CDH12: variants seen among roughly 807,000 people sequenced by gnomAD.
CDH12 encodes cadherin 12.
CDH12 carries 41 observed loss-of-function variants against 74.1 expected under a neutral mutation model. The ratio of observed to expected loss-of-function variants is 0.55; its 90% CI spans 0.43 to 0.72. CDH12 has a LOEUF of 0.72. CDH12 is among the 30% of genes least tolerant of loss of function. CDH12 has a pLI of 0.00. For missense variants in CDH12, 945 were observed against 977.2 expected (o/e 0.97, Z 0.44); for synonymous variants, 399 against 355.0 (o/e 1.12, Z -1.39).
intron 1 of CDH12, among the ~76,000 whole-genome samples, chr5:22,615,571 C>T (rs189326575): frequency 6.6e-6 from 1 of 152,036 alleles, no homozygotes; most frequent in African/African-American, 2.4e-5. Context: ...AAACTTGTAT[C>T]TTTGTAAGAT....
chr5:22,253,175 G>T (rs1482869235), intron 3 of CDH12, among the ~76,000 whole-genome samples: 1 of 151,600 alleles, frequency 6.6e-6, no homozygotes, highest in Non-Finnish European at 1.5e-5. Context: ...ACTAATGTGA[G>T]AATATTTCAT....
chr5:22,230,686 G>A (rs950392724), intron 3 of CDH12, among the ~76,000 whole-genome samples: 1 of 151,798 alleles, frequency 6.6e-6, no homozygotes, highest in African/African-American at 2.4e-5. Flanking sequence ...GGCCAGAATG[G>A]TGTCGACCTC....
At chr5:22,390,826 A>T (rs1429107098) in intron 3 of CDH12, among the ~76,000 whole-genome samples, 2 of 152,182 alleles carry the variant, frequency 1.3e-5, no homozygotes, top group Non-Finnish European at 2.9e-5. Flanking sequence ...TTTTTAATAC[A>T]TAATCTTAAA....
chr5:22,186,959 T>TA, intron 4 of CDH12, among the ~76,000 whole-genome samples: 1 of 152,276 alleles, frequency 6.6e-6, no homozygotes, highest in Admixed American at 6.5e-5. Flanking sequence ...AGAAAATACT[T>TA]AAAGTACAGT....
intron 3 of CDH12, among the ~76,000 whole-genome samples, chr5:22,249,913 G>C (rs1157602723): frequency 6.6e-6 from 1 of 151,994 alleles, no homozygotes; most frequent in East Asian, 1.9e-4. Context: ...TTGATGTAAA[G>C]GTACAAGAAA....
At chr5:21,833,204 A>C (rs1225616749) in intron 8 of CDH12, among the ~76,000 whole-genome samples, 1 of 19,458 alleles carries the variant, frequency 5.1e-5, no homozygotes, top group Non-Finnish European at 7.0e-5. Context: ...TAATATATAT[A>C]TTATAATATA....
chr5:22,358,135 G>A (rs1031010338), intron 3 of CDH12, among the ~76,000 whole-genome samples: 1 of 152,112 alleles, frequency 6.6e-6, no homozygotes, highest in Non-Finnish European at 1.5e-5. Context: ...CAGGTCGGCC[G>A]TGGTGGCTCA....
At chr5:21,801,773 G>T (rs1747124145) in intron 10 of CDH12, among the ~76,000 whole-genome samples, 1 of 152,120 alleles carries the variant, frequency 6.6e-6, no homozygotes, top group Admixed American at 6.5e-5. Context: ...AGAAATTTTA[G>T]AGTAATTATA....
chr5:22,846,991 G>A (rs1431704188), intron 1 of CDH12, among the ~76,000 whole-genome samples: 4 of 152,036 alleles, frequency 2.6e-5, no homozygotes, highest in African/African-American at 9.7e-5. Flanking sequence ...ATATAAATAG[G>A]AATTTGCCCT....
intron 2 of CDH12, among the ~76,000 whole-genome samples, chr5:22,481,706 T>C (rs952599746): frequency 5.9e-5 from 9 of 152,036 alleles, no homozygotes; most frequent in Non-Finnish European, 1.3e-4. Flanking sequence ...AAGGAAGACA[T>C]AAGGAGTCAC....
intron 2 of CDH12, among the ~76,000 whole-genome samples, chr5:22,415,919 A>T (rs1357425249): frequency 2.0e-5 from 3 of 151,992 alleles, no homozygotes; most frequent in South Asian, 4.1e-4. Flanking sequence ...AAAAAAAAAA[A>T]TTGAACTACG....
intron 3 of CDH12, among the ~76,000 whole-genome samples, chr5:22,396,130 A>T (rs905557990): frequency 9.9e-5 from 15 of 152,150 alleles, no homozygotes; most frequent in African/African-American, 3.4e-4. Flanking sequence ...CTTTTTAAAA[A>T]TTCTTTTGAA....
chr5:22,312,999 C>G (rs1214618505), intron 3 of CDH12, among the ~76,000 whole-genome samples: 1 of 152,156 alleles, frequency 6.6e-6, no homozygotes, highest in East Asian at 1.9e-4. Context: ...ATTGAAAGTT[C>G]TCTGTTTTGG....
At chr5:21,841,834 A>C (rs1171842203) in intron 8 of CDH12, among the ~76,000 whole-genome samples, 2 of 134,562 alleles carry the variant, frequency 1.5e-5, no homozygotes, top group Non-Finnish European at 3.1e-5. Flanking sequence ...CAGGAAGGGG[A>C]ACATCACACT....
chr5:22,682,434 C>G (rs1207650380), intron 1 of CDH12, among the ~76,000 whole-genome samples: 1 of 151,878 alleles, frequency 6.6e-6, no homozygotes. Context: ...TCACTTTAAG[C>G]CAAAGGGTAG....
chr5:22,338,927 G>C (rs1739720870), intron 3 of CDH12, among the ~76,000 whole-genome samples: 3 of 152,138 alleles, frequency 2.0e-5, no homozygotes, highest in Non-Finnish European at 4.4e-5. Context: ...ACTCCCAGCT[G>C]ACAGCCAGCA....
intron 3 of CDH12, among the ~76,000 whole-genome samples, chr5:22,253,592 T>A (rs1561257806): frequency 6.6e-6 from 1 of 151,938 alleles, no homozygotes; most frequent in Non-Finnish European, 1.5e-5. Flanking sequence ...ACATACTTTT[T>A]AACTCTGATT....
In CDH12 at chr5:22,667,997, A is replaced by G. The variant is rs1740706959; in HGVS notation, c.-522-162633T>C. On this transcript the variant is annotated intron_variant, in intron 1 of 14. Transcript: ENST00000382254. ...TAGATCATATAAAGAAAAGAAAAAC[A>G]TAATTCCTCAAATCATCCATGATTT... Among the ~76,000 whole-genome samples, 2 of 152,218 alleles carry G rather than the reference A, an allele frequency of 1.3e-5. 1 individual carries two copies. Among genetic ancestry groups the G allele is most frequent in the Admixed American group, 1.3e-4 (2 of 15,286 alleles).
chr5:22,116,391 G>A (rs753000300), intron 4 of CDH12, among the ~76,000 whole-genome samples: 68 of 152,246 alleles, frequency 4.5e-4, no homozygotes, highest in Non-Finnish European at 7.8e-4. Context: ...GGGTCACGAG[G>A]TCAGGAGATA....
Sources: gnomAD v4.1 joint callset for allele counts (sites outside exome capture counted in the v4.1 genomes callset) on GRCh38, gnomAD v4.1.1 for gene constraint, MANE v1.5 for transcripts, NCBI Gene and HGNC (gene_info 2026-07-23, HGNC 2026-07-21) for gene names.